Variants in CTBP2 observed in about 807,000 individuals in gnomAD.
The protein encoded by CTBP2 is C-terminal binding protein 2.
Under a neutral mutation model 80.3 loss-of-function variants are expected in CTBP2, and 30 were observed. The observed-to-expected ratio is 0.37, with a 90% confidence interval of 0.28 to 0.51. The LOEUF is 0.51. CTBP2 is among the 20% of genes least tolerant of loss of function. The pLI is 0.93. For missense variants in CTBP2, 1,212 were observed against 1,375.3 expected (o/e 0.88, Z 1.88); for synonymous variants, 594 against 587.4 (o/e 1.01, Z -0.16).
At chr10:125,047,930 A>G (rs1961675691) in intron 2 of CTBP2, among the ~76,000 whole-genome samples, 1 of 152,134 alleles carries the variant, frequency 6.6e-6, no homozygotes, top group South Asian at 2.1e-4. Context: ...ATGAATTTGT[A>G]AAAAAAATCT....
chr10:125,075,354 C>A (rs1846122585), intron 2 of CTBP2, among the ~76,000 whole-genome samples: 3 of 152,094 alleles, frequency 2.0e-5, no homozygotes, highest in African/African-American at 7.2e-5. Context: ...TGAGGCTCTA[C>A]CCCCATTAAT....
chr10:125,114,437 C>T (rs1024045961), intron 1 of CTBP2, among the ~76,000 whole-genome samples: 77 of 152,222 alleles, frequency 5.1e-4, no homozygotes, highest in African/African-American at 1.9e-3. Flanking sequence ...GAGTCCCAAC[C>T]AGACTGTGGT....
intron 3 of CTBP2, among the ~76,000 whole-genome samples, chr10:125,036,354 G>A (rs979795448): frequency 3.3e-5 from 5 of 152,170 alleles, no homozygotes; most frequent in Non-Finnish European, 7.3e-5. Context: ...AGGGCTTGAT[G>A]TTGGCATTGT....
At chr10:125,065,606 A>G (rs1260424995) in intron 2 of CTBP2, among the ~76,000 whole-genome samples, 1 of 152,078 alleles carries the variant, frequency 6.6e-6, no homozygotes, top group Non-Finnish European at 1.5e-5. Flanking sequence ...GCTGAGAGCT[A>G]AGGGGGCCGG....
At chr10:125,013,112 C>T (rs1258227754) in intron 1 of CTBP2, among the ~76,000 whole-genome samples, 7 of 152,184 alleles carry the variant, frequency 4.6e-5, no homozygotes, top group Admixed American at 3.9e-4. Context: ...TTCCAGCCCA[C>T]AGCTCCTAAA....
At chr10:125,133,831 G>A (rs543412516) in intron 1 of CTBP2, among the ~76,000 whole-genome samples, 61 of 152,330 alleles carry the variant, frequency 4.0e-4, no homozygotes, top group African/African-American at 1.4e-3. Flanking sequence ...CACACTGTGA[G>A]CTCTTTAGGG....
intron 1 of CTBP2, among the ~76,000 whole-genome samples, chr10:125,121,549 A>G (rs1195206950): frequency 1.3e-5 from 2 of 152,216 alleles, no homozygotes; most frequent in African/African-American, 2.4e-5. Flanking sequence ...TACTTTAAAA[A>G]ATCCATTTCA....
chr10:125,149,456 G>A (rs961652579), intron 1 of CTBP2, among the ~76,000 whole-genome samples: 1 of 152,148 alleles, frequency 6.6e-6, no homozygotes, highest in Non-Finnish European at 1.5e-5. Flanking sequence ...GGTGAGCCAG[G>A]ACACCGGGAC....
chr10:125,158,648 AG>A (rs1861370462), intron 1 of CTBP2: 1 of 152,222 alleles, frequency 6.6e-6, no homozygotes, highest in Admixed American at 6.5e-5. Flanking sequence ...GGACAGGGCA[AG>A]GAAGCCCGGT....
Position 125,050,863 on chromosome 10 carries a change from C to T in CTBP2, c.-101-11708G>A, listed in dbSNP as rs951947204. Among the ~76,000 whole-genome samples the T allele has an allele frequency of 2.6e-5, 4 of 152,172 alleles. No individual in the cohort carries two copies. The South Asian group carries it at 8.3e-4, about 32-fold the overall frequency. ...AGACAAGGCTCCTGATGAGAATCTT[C>T]TAGAGAACTGCAACCTTGTCATAAT... On this transcript the variant is annotated intron_variant, in intron 2 of 10. Transcript: ENST00000337195.
At chr10:125,103,498 A>C (rs1277631303) in intron 2 of CTBP2, among the ~76,000 whole-genome samples, 1 of 152,178 alleles carries the variant, frequency 6.6e-6, no homozygotes, top group African/African-American at 2.4e-5. Context: ...TCAGGGAGTG[A>C]GAAGAGACAC....
chr10:125,063,771 C>T (rs1433883141), intron 2 of CTBP2, among the ~76,000 whole-genome samples: 3 of 152,186 alleles, frequency 2.0e-5, no homozygotes, highest in Non-Finnish European at 4.4e-5. Flanking sequence ...GGACAAACTT[C>T]CAAAGTAAAC....
At chr10:125,133,807 T>A (rs1295630879) in intron 1 of CTBP2, among the ~76,000 whole-genome samples, 1 of 152,212 alleles carries the variant, frequency 6.6e-6, no homozygotes, top group Non-Finnish European at 1.5e-5. Flanking sequence ...AGCAGAAGTA[T>A]ACCATCTCTC....
chr10:125,092,341 C>T (rs185499919), intron 2 of CTBP2, among the ~76,000 whole-genome samples: 28 of 152,096 alleles, frequency 1.8e-4, no homozygotes, highest in African/African-American at 6.5e-4. Context: ...CAGTCACGTG[C>T]CATCACACCC....
chr10:125,013,858 A>G (rs1265123865), intron 1 of CTBP2, among the ~76,000 whole-genome samples: 1 of 152,224 alleles, frequency 6.6e-6, no homozygotes, highest in African/African-American at 2.4e-5. Context: ...AAAGACAGAC[A>G]TCATCAGGCC....
rs540173538 is a variant in CTBP2, at chr10:125,108,781, T to A, written c.-102+2209A>T. 2.0e-4 allele frequency among the ~76,000 whole-genome samples: 31 copies of A among 152,376 alleles called. No homozygotes were observed. In the South Asian group the frequency reaches 6.4e-3, roughly 32 times the overall value. On this transcript the variant is annotated intron_variant, in intron 2 of 10. Transcript: ENST00000337195. ...GTGTGTGCGTGGGCCGTGGACACCA[T>A]GAGCTGTTGTCACAGCACAGTGACC...
intron 3 of CTBP2, chr10:125,000,199 A>C (rs948182446): frequency 6.6e-6 from 1 of 151,640 alleles, no homozygotes; most frequent in Non-Finnish European, 1.5e-5. Flanking sequence ...ACTGCCTGGG[A>C]TGGCAGAACC....
chr10:125,106,607 G>C (rs1851499307), intron 2 of CTBP2, among the ~76,000 whole-genome samples: 1 of 152,244 alleles, frequency 6.6e-6, no homozygotes, highest in South Asian at 2.1e-4. Context: ...AGTGGCAACA[G>C]AGACTCCTGG....
At chr10:125,043,209 T>A (rs1030247808) in intron 2 of CTBP2, among the ~76,000 whole-genome samples, 3 of 152,190 alleles carry the variant, frequency 2.0e-5, no homozygotes, top group African/African-American at 7.2e-5. Context: ...TACAAACCCT[T>A]GCTTGGCTAT....
Sources: gnomAD v4.1 joint callset for allele counts (sites outside exome capture counted in the v4.1 genomes callset) on GRCh38, gnomAD v4.1.1 for gene constraint, MANE v1.5 for transcripts, NCBI Gene and HGNC (gene_info 2026-07-23, HGNC 2026-07-21) for gene names.